MGST1: variants seen among roughly 807,000 people sequenced by gnomAD.
The protein encoded by MGST1 is glutathione S-transferase 12.
A neutral mutation model predicts 8.9 loss-of-function variants in MGST1; 5 were observed. That is an observed-to-expected ratio of 0.56 (90% CI 0.29 to 1.19). MGST1 has a LOEUF of 1.19. Ranked by LOEUF, MGST1 falls within the 50% of genes most tolerant of loss-of-function variation. MGST1 has a pLI of 0.08. For missense variants in MGST1, 182 were observed against 187.4 expected, an observed-to-expected ratio of 0.97 and a Z score of 0.17; for synonymous variants, 54 against 67.8, an observed-to-expected ratio of 0.80 and a Z score of 1.00.
At chr12:16,360,410 A>T (rs1939936683) in intron 3 of MGST1, 1 of 964,842 alleles carries the variant, frequency 1.0e-6, no homozygotes, top group African/African-American at 1.8e-5. Flanking sequence ...AAGTTAATAC[A>T]TACACATATG....
intron 4 of MGST1, among the ~76,000 whole-genome samples, chr12:16,533,707 CA>C (rs1941737122): frequency 7.4e-6 from 1 of 136,004 alleles, no homozygotes; most frequent in East Asian, 2.2e-4. Context: ...AAGGCACTTA[CA>C]GTCTAGTGGG....
intron 1 of MGST1, among the ~76,000 whole-genome samples, chr12:16,351,702 C>G (rs377520339): frequency 6.6e-6 from 1 of 151,858 alleles, no homozygotes; most frequent in Non-Finnish European, 1.5e-5. Flanking sequence ...CCCAGCTACT[C>G]GGGAGGCTGA....
At chr12:16,533,428 G>T (rs138247412) in intron 4 of MGST1, among the ~76,000 whole-genome samples, 1 of 152,080 alleles carries the variant, frequency 6.6e-6, no homozygotes, top group Non-Finnish European at 1.5e-5. Flanking sequence ...GGTTCTCCTG[G>T]AAACAGGAAC....
chr12:16,478,573 A>G (rs1176408498), intron 4 of MGST1, among the ~76,000 whole-genome samples: 1 of 152,012 alleles, frequency 6.6e-6, no homozygotes, highest in African/African-American at 2.4e-5. Flanking sequence ...TTCTATGTCA[A>G]ATATATCTTA....
intron 1 of MGST1, among the ~76,000 whole-genome samples, chr12:16,398,010 T>C (rs1940620887): frequency 6.6e-6 from 1 of 151,762 alleles, no homozygotes; most frequent in African/African-American, 2.4e-5. Flanking sequence ...TATTTCTCCA[T>C]TTACTTACAT....
At chr12:16,382,579 G>A (rs1007950270), upstream of MGST1, among the ~76,000 whole-genome samples, 11 of 152,260 alleles carry the variant, frequency 7.2e-5, no homozygotes, top group East Asian at 7.7e-4. Context: ...TAGGCTATTC[G>A]GGGATCAGGG....
In MGST1 at chr12:16,500,761, T is replaced by C. The variant is rs1256840629; in HGVS notation, n.483-88767T>C. On this transcript the variant is annotated intron_variant and non_coding_transcript_variant, in intron 4 of 4. Coordinates refer to the MGST1 transcript ENST00000538857. The surrounding 1 kb of genome is among the most constrained non-coding windows in gnomAD (Gnocchi z 4.3). ...ATATTACTATCATAAGGGCAAAATC[T>C]ATAGGGAGAAAAATCAGTGCATCTA... 6.6e-6 allele frequency among the ~76,000 whole-genome samples: 1 copy of C among 152,178 alleles called. No individual in the cohort carries two copies. Among genetic ancestry groups the C allele is most frequent in the East Asian group, 1.9e-4 (1 of 5,196 alleles).
chr12:16,404,166 G>GAA (rs1223756205), intron 1 of MGST1, among the ~76,000 whole-genome samples: 1 of 152,044 alleles, frequency 6.6e-6, no homozygotes, highest in Non-Finnish European at 1.5e-5. Context: ...TATTTGAATT[G>GAA]TACCTTTTGT....
Position 16,369,789 on chromosome 12 carries a change from A to G in MGST1, c.222-6333A>G, listed in dbSNP as rs1466286430. The G allele has an allele frequency of 6.6e-6, 1 of 152,214 alleles. No homozygotes were observed. The highest frequency in any genetic ancestry group is 1.5e-5 in the Non-Finnish European group (1 of 68,042). The allele number at this position is 152,214 out of a possible 1,614,324, so 9.4% of individuals were successfully genotyped here. ...TCCAGTAGGTTAGCCTGACTGTGCT[A>G]TCACAGCATAGGAGCAAGACAGGAA... is the stretch of plus-strand genomic sequence containing the variant. On this transcript the variant is annotated intron_variant, in intron 3 of 3. Transcript: ENST00000535309. The surrounding 1 kb of genome is among the most constrained non-coding windows in gnomAD (Gnocchi z 4.8).
intron 2 of MGST1, among the ~76,000 whole-genome samples, chr12:16,355,934 T>C (rs989425402): frequency 2.0e-5 from 3 of 152,194 alleles, no homozygotes; most frequent in African/African-American, 7.2e-5. Context: ...AAAATCAAGA[T>C]GCCAGCAGAT....
At chr12:16,536,333 A>C (rs1258122668) in intron 4 of MGST1, among the ~76,000 whole-genome samples, 2 of 152,186 alleles carry the variant, frequency 1.3e-5, no homozygotes, top group African/African-American at 4.8e-5. Context: ...ACTGTGTATG[A>C]AAAAACTACG....
intron 2 of MGST1, among the ~76,000 whole-genome samples, chr12:16,355,416 C>T (rs1436223942): frequency 6.6e-6 from 1 of 152,004 alleles, no homozygotes. Flanking sequence ...GCCATGTTGG[C>T]CAGGCTGGTC....
chr12:16,446,732 TGTCAAGCCCCAAGTG>T (rs1941083782), intron 4 of MGST1, among the ~76,000 whole-genome samples: 1 of 151,856 alleles, frequency 6.6e-6, no homozygotes, highest in Admixed American at 6.6e-5. Context: ...CATCCCCTCC[TGTCAAGCCCCAAGTG>T]GTGGCTTGGG....
intron 4 of MGST1, among the ~76,000 whole-genome samples, chr12:16,449,404 C>T (rs71461011): frequency 6.6e-6 from 1 of 152,020 alleles, no homozygotes; most frequent in Non-Finnish European, 1.5e-5. Context: ...CCAAACACTT[C>T]CCGCCAGGCC....
At chr12:16,459,870 G>A (rs1157596749) in intron 4 of MGST1, among the ~76,000 whole-genome samples, 2 of 151,946 alleles carry the variant, frequency 1.3e-5, no homozygotes, top group Admixed American at 6.6e-5. Context: ...CTCCCGTGGC[G>A]GTTTTGCTTA....
In MGST1 at chr12:16,513,814, C is replaced by T. The variant is rs1941593302; in HGVS notation, n.483-75714C>T. The T allele has an allele frequency of 1.6e-6, 1 of 609,352 alleles. No homozygotes were observed. Among genetic ancestry groups the T allele is most frequent in the Non-Finnish European group, 3.2e-6 (1 of 312,152 alleles). The allele number at this position is 609,352 out of a possible 1,614,324, so 37.7% of individuals were successfully genotyped here. ...TGCCTTAAGGATCAGAGCTAGTTTT[C>T]TGCAAAGATTTCTTAAGTTCAGCCA... On this transcript the variant is annotated intron_variant and non_coding_transcript_variant, in intron 4 of 4. Transcript: ENST00000538857. This position sits in a 1 kb window ranked among gnomAD's most constrained non-coding sequence, Gnocchi z 4.2.
At chr12:16,351,890 A>G (rs1380397014) in intron 1 of MGST1, among the ~76,000 whole-genome samples, 1 of 151,900 alleles carries the variant, frequency 6.6e-6, no homozygotes, top group Admixed American at 6.6e-5. Flanking sequence ...GGGAATTTTA[A>G]TACCTCACCA....
rs1214415747 is a variant in MGST1 at position 16,560,907 on chromosome 12, AGTTGGGAAAGG to A, written n.483-28620_483-28610del. 8 of 186,202 alleles carry A rather than the reference AGTTGGGAAAGG, an allele frequency of 4.3e-5. No individual in the cohort carries two copies. The East Asian group carries it at 1.1e-3, about 26-fold the overall frequency. 11.5% of individuals were successfully genotyped at this position (186,202 alleles called of 1,614,324 possible). A position where few individuals can be genotyped will look rare whatever the true frequency, so the allele number is the denominator to read the frequency against. Reference sequence around the variant, plus strand: ...CTTAATGTTATATATTAAACATTTTAGTTGGGAAAGGAACCAACTAATGAATGATTCACTAC... The same window carrying A: ...CTTAATGTTATATATTAAACATTTTAAACCAACTAATGAATGATTCACTAC... On this transcript the variant is annotated intron_variant and non_coding_transcript_variant, in intron 4 of 4. Transcript: ENST00000538857. This position sits in a 1 kb window ranked among gnomAD's most constrained non-coding sequence, Gnocchi z 5.0.
At chr12:16,421,077 C>A (rs1940831836) in intron 1 of MGST1, among the ~76,000 whole-genome samples, 1 of 152,236 alleles carries the variant, frequency 6.6e-6, no homozygotes, top group South Asian at 2.1e-4. Flanking sequence ...GCGGCCATCT[C>A]TTTTGATCTA....
Sources: allele counts gnomAD v4.1 joint callset (sites outside exome capture counted in the v4.1 genomes callset), GRCh38; gene constraint gnomAD v4.1.1; non-coding constraint Gnocchi (gnomAD v3.1); transcripts MANE v1.5; gene names NCBI Gene and HGNC (gene_info 2026-07-23, HGNC 2026-07-21).